LINGO2: variants seen among roughly 807,000 people sequenced by gnomAD.
The protein encoded by LINGO2 is leucine rich repeat and Ig domain containing 2, also known as leucine-rich repeat and immunoglobulin-like domain-containing nogo receptor-interacting protein 2.
LINGO2 carries 14 observed loss-of-function variants against 30.6 expected under a neutral mutation model. That is an observed-to-expected ratio of 0.46 (90% CI 0.30 to 0.72). The LOEUF (loss-of-function observed/expected upper bound fraction) is 0.72. Among genes scored for constraint, LINGO2 ranks in the 30% least tolerant of loss-of-function variants. LINGO2 has a pLI of 0.07. For synonymous variants in LINGO2, 317 were observed against 288.5 expected (o/e 1.10, Z -1.00); for missense variants, 729 against 751.7 (o/e 0.97, Z 0.35).
At chr9:28,464,040 A>C (rs758017713) in intron 2 of LINGO2, among the ~76,000 whole-genome samples, 3 of 152,184 alleles carry the variant, frequency 2.0e-5, no homozygotes, top group Non-Finnish European at 4.4e-5. Context: ...ATTTATCAAG[A>C]CAAAACATTT....
chr9:28,991,146 T>C, the LINGO2 span, among the ~76,000 whole-genome samples: 1 of 151,986 alleles, frequency 6.6e-6, no homozygotes, highest in East Asian at 1.9e-4. Flanking sequence ...ATAACTAGAA[T>C]AACCAATACA....
intron 3 of LINGO2, among the ~76,000 whole-genome samples, chr9:28,357,238 C>T (rs56252825): frequency 6.6e-6 from 1 of 151,638 alleles, no homozygotes; most frequent in African/African-American, 2.4e-5. Flanking sequence ...AATTAACCAT[C>T]TGCCAAATGG....
downstream of LINGO2, among the ~76,000 whole-genome samples, chr9:27,947,210 C>G (rs1027370224): frequency 1.3e-5 from 2 of 152,112 alleles, no homozygotes; most frequent in Non-Finnish European, 2.9e-5. Context: ...ATCACATAAC[C>G]ATATGCTTTG....
the LINGO2 span, among the ~76,000 whole-genome samples, chr9:29,039,823 G>T: frequency 1.3e-5 from 2 of 152,178 alleles, no homozygotes; most frequent in East Asian, 3.9e-4. Context: ...TGAACAAAGC[G>T]CTTGAAAAAT....
At chr9:28,054,729 T>C (rs16912428) in intron 4 of LINGO2, among the ~76,000 whole-genome samples, 1 of 152,060 alleles carries the variant, frequency 6.6e-6, no homozygotes, top group Non-Finnish European at 1.5e-5. Flanking sequence ...AAAAACCCAA[T>C]AGCTTATATT....
At chr9:28,562,405 T>G (rs1239326771) in intron 1 of LINGO2, among the ~76,000 whole-genome samples, 2 of 135,280 alleles carry the variant, frequency 1.5e-5, no homozygotes, top group African/African-American at 5.8e-5. Context: ...AATGAATGTT[T>G]TCCAAGAATT....
chr9:28,828,326 T>C, the LINGO2 span, among the ~76,000 whole-genome samples: 1 of 152,088 alleles, frequency 6.6e-6, no homozygotes, highest in Non-Finnish European at 1.5e-5. Flanking sequence ...AAGGGAATTA[T>C]ATTAAAAATC....
At position 28,036,621 on chromosome 9, in the gene LINGO2, A is replaced by G. The variant is rs544196322; in HGVS notation, c.-86-24216T>C. ...CTTTGGGAAATATGCGAAGAATGAC[A>G]AAGGGACAAGACTTTAGCCCAAAGA... On this transcript the variant is annotated intron_variant, in intron 4 of 5. Coordinates refer to ENST00000379992, the Ensembl canonical transcript of LINGO2. Among the ~76,000 whole-genome samples the G allele has an allele frequency of 3.9e-5, 6 of 152,344 alleles. No homozygotes were observed. In the South Asian group the frequency reaches 1.2e-3, roughly 32 times the overall value.
At chr9:28,967,057 C>T in the LINGO2 span, among the ~76,000 whole-genome samples, 15 of 152,116 alleles carry the variant, frequency 9.9e-5, no homozygotes, top group Admixed American at 8.5e-4. Flanking sequence ...CGGTATTTCA[C>T]GCATGACCAT....
chr9:28,958,919 A>G, the LINGO2 span, among the ~76,000 whole-genome samples: 1 of 152,158 alleles, frequency 6.6e-6, no homozygotes, highest in African/African-American at 2.4e-5. Flanking sequence ...CATCAAAACT[A>G]ACAACATGCA....
At chr9:29,068,893 T>C in the LINGO2 span, among the ~76,000 whole-genome samples, 1 of 151,878 alleles carries the variant, frequency 6.6e-6, no homozygotes, top group African/African-American at 2.4e-5. Flanking sequence ...ACCATAAATT[T>C]AGTGTAAACT....
chr9:28,362,455 T>C (rs1336507334), intron 3 of LINGO2, among the ~76,000 whole-genome samples: 1 of 151,936 alleles, frequency 6.6e-6, no homozygotes, highest in Admixed American at 6.6e-5. Flanking sequence ...GAAGAGAAGT[T>C]ATTTGGCTTT....
chr9:27,962,930 A>G (rs972665747), intron 5 of LINGO2, among the ~76,000 whole-genome samples: 3 of 152,176 alleles, frequency 2.0e-5, no homozygotes, highest in Non-Finnish European at 4.4e-5. Context: ...GTAAAGTTGG[A>G]TATTTTTATA....
chr9:28,610,769 G>T lies in LINGO2; in HGVS notation c.-365+59431C>A, dbSNP rs529516981. Among the ~76,000 whole-genome samples the T allele has an allele frequency of 2.0e-5, 3 of 152,096 alleles. No individual in the cohort carries two copies. In the South Asian group the frequency reaches 6.2e-4, roughly 31 times the overall value. On this transcript the variant is annotated intron_variant, in intron 1 of 5. Coordinates refer to ENST00000379992, the Ensembl canonical transcript of LINGO2. Reference sequence around the variant, plus strand: ...AAAAAAGCTAAGTCATATATAGAATGGTAGCAAATGGGCAGAAGGTGTAAC... The same window carrying T: ...AAAAAAGCTAAGTCATATATAGAATTGTAGCAAATGGGCAGAAGGTGTAAC...
chr9:28,190,219 G>A (rs991606477), intron 4 of LINGO2, among the ~76,000 whole-genome samples: 1 of 152,034 alleles, frequency 6.6e-6, no homozygotes, highest in East Asian at 1.9e-4. Context: ...GGCTTTAAGG[G>A]TTGATAAACT....
At chr9:28,628,795 G>A in intron 1 of LINGO2, among the ~76,000 whole-genome samples, 1 of 152,002 alleles carries the variant, frequency 6.6e-6, no homozygotes, top group East Asian at 1.9e-4. Flanking sequence ...AGCTTCCTCA[G>A]CAATGATGAG....
chr9:28,840,716 A>G, the LINGO2 span, among the ~76,000 whole-genome samples: 1 of 151,998 alleles, frequency 6.6e-6, no homozygotes, highest in African/African-American at 2.4e-5. Flanking sequence ...GTAGAATGGC[A>G]TATCAACTAA....
At chr9:28,076,859 T>C (rs1825638225) in intron 4 of LINGO2, among the ~76,000 whole-genome samples, 1 of 152,162 alleles carries the variant, frequency 6.6e-6, no homozygotes, top group African/African-American at 2.4e-5. Flanking sequence ...GGAGCCATCT[T>C]TTCCCCTCTG....
the LINGO2 span, among the ~76,000 whole-genome samples, chr9:29,093,035 A>G: frequency 1.2e-4 from 15 of 124,230 alleles, 3 homozygotes; most frequent in Admixed American, 4.2e-4. Context: ...GTGTGTATAT[A>G]TATATATATA....
Sources: gnomAD v4.1 joint callset for allele counts (sites outside exome capture counted in the v4.1 genomes callset) on GRCh38, gnomAD v4.1.1 for gene constraint, MANE v1.5 for transcripts, NCBI Gene and HGNC (gene_info 2026-07-23, HGNC 2026-07-21) for gene names.